GALNT17: variants seen among roughly 807,000 people sequenced by gnomAD.
GALNT17 encodes UDP-GalNAc:polypeptide N-acetylgalactosaminyltransferase-like 3.
GALNT17 carries 29 observed loss-of-function variants against 63.7 expected under a neutral mutation model. The ratio of observed to expected loss-of-function variants is 0.46; its 90% confidence interval spans 0.34 to 0.62. GALNT17 has a LOEUF of 0.62. Among genes scored for constraint, GALNT17 ranks in the 20% least tolerant of loss-of-function variants. GALNT17 has a pLI of 0.01. For missense variants in GALNT17, 603 were observed against 799.6 expected (o/e 0.75, Z 2.97); for synonymous variants, 305 against 318.3 (o/e 0.96, Z 0.45).
chr7:71,584,671 A>T (rs2903582), intron 6 of GALNT17, among the ~76,000 whole-genome samples: 2 of 152,204 alleles, frequency 1.3e-5, no homozygotes, highest in South Asian at 4.1e-4. Context: ...GCTTACTCAA[A>T]TAAGAATCCC....
In GALNT17 at chr7:71,665,566, T is replaced by G; in HGVS notation, c.1236T>G (p.His412Gln). Residue 412 changes from histidine to glutamine, a missense_variant, in exon 7 of 11, where the codon CAT becomes CAG. His to Gln is a conservative substitution (Grantham distance 24). Coordinates refer to ENST00000333538, the MANE Select transcript of GALNT17 (RefSeq NM_022479.3). ...TCTGGATGGACGATTACAAGTCTCA[T>G]GTGTACATAGCGTGGAACCTGCCGC... ...AEVWMDDYKS[H>Q]VYIAWNLPLE... 1 of 1,614,012 alleles carries G rather than the reference T, an allele frequency of 6.2e-7. No individual in the cohort carries two copies. Among genetic ancestry groups the G allele is most frequent in the Non-Finnish European group, 8.5e-7 (1 of 1,179,976 alleles).
At chr7:71,313,397 A>G (rs1241905565) in intron 1 of GALNT17, among the ~76,000 whole-genome samples, 1 of 152,150 alleles carries the variant, frequency 6.6e-6, no homozygotes, top group Non-Finnish European at 1.5e-5. Context: ...AGTGTTGGCA[A>G]TGACACTCTT....
intron 5 of GALNT17, among the ~76,000 whole-genome samples, chr7:71,450,540 A>C (rs898875236): frequency 1.3e-5 from 2 of 152,208 alleles, no homozygotes; most frequent in Non-Finnish European, 2.9e-5. Context: ...GATATAATTC[A>C]CGTCATATAT....
At chr7:71,636,129 G>A (rs1279961756) in intron 6 of GALNT17, among the ~76,000 whole-genome samples, 2 of 152,134 alleles carry the variant, frequency 1.3e-5, no homozygotes, top group Non-Finnish European at 2.9e-5. Context: ...AGGCCATTTG[G>A]GGTATATCCA....
intron 6 of GALNT17, among the ~76,000 whole-genome samples, chr7:71,663,674 T>C (rs1790940879): frequency 6.6e-6 from 1 of 152,210 alleles, no homozygotes; most frequent in South Asian, 2.1e-4. Flanking sequence ...CTGTATCGTT[T>C]CCCTGTGGTA....
intron 1 of GALNT17, among the ~76,000 whole-genome samples, chr7:71,308,995 C>T (rs187523190): frequency 4.2e-4 from 64 of 152,208 alleles, no homozygotes; most frequent in African/African-American, 1.5e-3. Flanking sequence ...CTGCCCACCT[C>T]GGCCTCCCAA....
chr7:71,502,101 G>A (rs1164977095), intron 5 of GALNT17, among the ~76,000 whole-genome samples: 2 of 151,958 alleles, frequency 1.3e-5, no homozygotes, highest in African/African-American at 2.4e-5. Context: ...TTCAACATAC[G>A]CAGGCTCTTG....
chr7:71,152,348 T>A (rs79409886), intron 1 of GALNT17, among the ~76,000 whole-genome samples: 1,568 of 152,268 alleles, frequency 0.01, 21 homozygotes, highest in African/African-American at 0.034. Context: ...GTGGCTTGAA[T>A]TAAACGCTTT....
In GALNT17 at chr7:71,132,586, G is replaced by A. The variant is rs1200762371; in HGVS notation, c.-217G>A. On this transcript the variant is annotated 5_prime_UTR_variant, in exon 1 of 11. Coordinates refer to ENST00000333538, the MANE Select transcript of GALNT17 (RefSeq NM_022479.3). ...AGGCGTCTCGGGGAGCACTTCTGCA[G>A]AGCGAGGACTTCCATGTGAGCGATT... 1.8e-6 allele frequency: 1 copy of A among 554,990 alleles called. No homozygotes were observed. The allele number at this position is 554,990 out of a possible 1,614,324, so 34.4% of individuals were successfully genotyped here. A position where few individuals can be genotyped will look rare whatever the true frequency, so the allele number is the denominator to read the frequency against.
intron 1 of GALNT17, among the ~76,000 whole-genome samples, chr7:71,137,139 C>CTTTTTT (rs398005145): frequency 8.5e-6 from 1 of 117,358 alleles, no homozygotes; most frequent in Non-Finnish European, 1.7e-5. Flanking sequence ...ATATTTTTGA[C>CTTTTTT]TTTTTTTTTT....
At chr7:71,544,490 G>A (rs1378674458) in intron 5 of GALNT17, among the ~76,000 whole-genome samples, 1 of 152,148 alleles carries the variant, frequency 6.6e-6, no homozygotes, top group South Asian at 2.1e-4. Context: ...GCAATAATAG[G>A]GGTTAGTTCT....
chr7:71,183,479 G>A (rs1464381488), intron 1 of GALNT17, among the ~76,000 whole-genome samples: 1 of 152,170 alleles, frequency 6.6e-6, no homozygotes, highest in African/African-American at 2.4e-5. Flanking sequence ...ACGTCAAAGA[G>A]TGTTCCTGTT....
At chr7:71,675,328 C>T (rs1050960012) in intron 8 of GALNT17, among the ~76,000 whole-genome samples, 1 of 152,138 alleles carries the variant, frequency 6.6e-6, no homozygotes, top group Non-Finnish European at 1.5e-5. Context: ...ACTTACCAGG[C>T]CTTCAATAAA....
intron 6 of GALNT17, among the ~76,000 whole-genome samples, chr7:71,643,260 G>A (rs1790628881): frequency 6.6e-6 from 1 of 152,138 alleles, no homozygotes; most frequent in African/African-American, 2.4e-5. Context: ...CAGAGGTCAG[G>A]AGTTTGAGAC....
chr7:71,656,448 T>A (rs1324466227), intron 6 of GALNT17, among the ~76,000 whole-genome samples: 2 of 151,616 alleles, frequency 1.3e-5, no homozygotes, highest in Admixed American at 6.6e-5. Flanking sequence ...GCTGCAGAGA[T>A]GAGGCTGCAG....
chr7:71,159,274 G>A (rs1028265299), intron 1 of GALNT17, among the ~76,000 whole-genome samples: 2 of 151,680 alleles, frequency 1.3e-5, no homozygotes, highest in Middle Eastern at 3.4e-3. Context: ...GTGATGTGTC[G>A]TTTCGCAGTT....
At chr7:71,414,508 G>C (rs1017304942) in intron 3 of GALNT17, among the ~76,000 whole-genome samples, 1 of 152,108 alleles carries the variant, frequency 6.6e-6, no homozygotes, top group Admixed American at 6.6e-5. Flanking sequence ...GAGAAGGCCA[G>C]TGGTAATGAC....
intron 9 of GALNT17, 123 bp from the exon 10 acceptor site, chr7:71,710,638 G>C: frequency 8.9e-7 from 1 of 1,122,172 alleles, no homozygotes; most frequent in Non-Finnish European, 1.3e-6. Flanking sequence ...GGCTGGGATG[G>C]TGGCCAGGAC....
intron 2 of GALNT17, among the ~76,000 whole-genome samples, chr7:71,357,970 G>A (rs939970920): frequency 6.6e-5 from 10 of 152,178 alleles, no homozygotes; most frequent in African/African-American, 2.2e-4. Flanking sequence ...GGACAGAAAT[G>A]GAACATGGGA....
Sources: allele counts gnomAD v4.1 joint callset (sites outside exome capture counted in the v4.1 genomes callset), GRCh38; gene constraint gnomAD v4.1.1; transcripts MANE v1.5; gene names NCBI Gene and HGNC (gene_info 2026-07-23, HGNC 2026-07-21).